Variants in TTLL5 observed in about 807,000 individuals in gnomAD.
TTLL5 encodes tubulin tyrosine ligase like 5, also known as tubulin polyglutamylase TTLL5.
TTLL5 carries 132 observed loss-of-function variants against 168.4 expected under a neutral mutation model. The observed-to-expected ratio is 0.78, with a 90% CI of 0.68 to 0.91. The LOEUF (loss-of-function observed/expected upper bound fraction) is 0.91, where lower values mean the gene tolerates loss of function less well. Ranked by LOEUF, TTLL5 falls within the 40% of genes least tolerant of loss-of-function variation. TTLL5 has a pLI of 0.00. For synonymous variants in TTLL5, 546 were observed against 558.6 expected (o/e 0.98, Z 0.32); for missense variants, 1,545 against 1,581.5 (o/e 0.98, Z 0.39).
rs910226122 is a variant in TTLL5, at chr14:75,755,297, A to G, written c.1550+2342A>G. On this transcript the variant is annotated intron_variant, in intron 18 of 31. Transcript: ENST00000298832. Reference sequence around the variant, plus strand: ...TAATAATAATAATAATAATAATAATAATAATTTTCCCTGTTTAGCTAAGAA... The same window carrying G: ...TAATAATAATAATAATAATAATAATGATAATTTTCCCTGTTTAGCTAAGAA... Among the ~76,000 whole-genome samples, 3 of 150,460 alleles carry G rather than the reference A, an allele frequency of 2.0e-5. No homozygotes were observed. The South Asian group carries it at 6.3e-4, about 32-fold the overall frequency.
chr14:75,780,557 A>G (rs1891989130), intron 24 of TTLL5, among the ~76,000 whole-genome samples: 1 of 152,252 alleles, frequency 6.6e-6, no homozygotes. Flanking sequence ...CCTAAGGCAT[A>G]GGTAATCAAC....
At chr14:75,833,687 G>C (rs191910968) in intron 28 of TTLL5, among the ~76,000 whole-genome samples, 1 of 152,300 alleles carries the variant, frequency 6.6e-6, no homozygotes, top group East Asian at 1.9e-4. Context: ...TACGTGCCCA[G>C]TAAGTGGGAA....
intron 31 of TTLL5, among the ~76,000 whole-genome samples, chr14:75,924,073 G>T (rs1382472726): frequency 7.0e-6 from 1 of 142,188 alleles, no homozygotes; most frequent in Non-Finnish European, 1.5e-5. Context: ...CCATTTGCCT[G>T]GTAGATCTTC....
intron 1 of TTLL5, 162 bp downstream of exon 1, chr14:75,661,549 G>A (rs1188483808): frequency 1.3e-5 from 2 of 152,326 alleles, no homozygotes; most frequent in East Asian, 3.8e-4. Flanking sequence ...GTCCTTCCCG[G>A]GGGGAGCATC....
intron 7 of TTLL5, among the ~76,000 whole-genome samples, chr14:75,705,339 A>G (rs1272149775): frequency 1.1e-4 from 16 of 152,228 alleles, no homozygotes; most frequent in Admixed American, 1.0e-3. Flanking sequence ...GTATAATGTT[A>G]TAGGTCACAA....
intron 23 of TTLL5, among the ~76,000 whole-genome samples, chr14:75,778,601 AGT>A (rs1891858903): frequency 6.6e-6 from 1 of 152,112 alleles, no homozygotes; most frequent in Non-Finnish European, 1.5e-5. Flanking sequence ...TTCTGGTTAG[AGT>A]GTGTTTTCTG....
At chr14:75,900,480 C>A (rs1034442645) in intron 30 of TTLL5, among the ~76,000 whole-genome samples, 121 of 152,162 alleles carry the variant, frequency 8.0e-4, no homozygotes, top group African/African-American at 2.9e-3. Context: ...TCTTTACCTA[C>A]TAGCCAATGA....
At chr14:75,784,880 A>G (rs1254205565) in intron 26 of TTLL5, among the ~76,000 whole-genome samples, 2 of 152,082 alleles carry the variant, frequency 1.3e-5, no homozygotes, top group Non-Finnish European at 2.9e-5. Flanking sequence ...GGATTTTTGT[A>G]TATCTTCTTT....
chr14:75,876,406 C>T (rs1307255846), intron 29 of TTLL5, among the ~76,000 whole-genome samples: 1 of 152,128 alleles, frequency 6.6e-6, no homozygotes, highest in Non-Finnish European at 1.5e-5. Context: ...TTTTTCTGTC[C>T]AGGTAAGCAT....
intron 28 of TTLL5, among the ~76,000 whole-genome samples, chr14:75,830,049 T>C (rs1895474266): frequency 2.6e-5 from 4 of 152,226 alleles, no homozygotes; most frequent in Non-Finnish European, 5.9e-5. Context: ...ATTGGCTGTA[T>C]TGCTAAGGAT....
intron 29 of TTLL5, among the ~76,000 whole-genome samples, chr14:75,864,987 C>A (rs1396810336): frequency 6.6e-6 from 1 of 152,100 alleles, no homozygotes; most frequent in Non-Finnish European, 1.5e-5. Flanking sequence ...ATCATCTTTA[C>A]CTGCGGTAGT....
intron 18 of TTLL5, among the ~76,000 whole-genome samples, chr14:75,756,926 TAG>T (rs1267979490): frequency 7.2e-5 from 11 of 152,200 alleles, no homozygotes; most frequent in Middle Eastern, 3.4e-3. Flanking sequence ...AGTCTTAGTT[TAG>T]AGACAATGGA....
intron 31 of TTLL5, among the ~76,000 whole-genome samples, chr14:75,925,413 ACGGGGCGG>A (rs2034007456): frequency 6.8e-5 from 1 of 14,718 alleles, no homozygotes; most frequent in Admixed American, 9.4e-4. Flanking sequence ...CACATCCCAG[ACGGGGCGG>A]CGGGGCAGAG....
intron 31 of TTLL5, among the ~76,000 whole-genome samples, chr14:75,928,175 A>G (rs1183840118): frequency 6.6e-6 from 1 of 151,704 alleles, no homozygotes; most frequent in East Asian, 1.9e-4. Flanking sequence ...CTCCTCTGAG[A>G]TCCTGGCCTA....
At chr14:75,817,702 A>G (rs573600186) in intron 27 of TTLL5, among the ~76,000 whole-genome samples, 5 of 152,118 alleles carry the variant, frequency 3.3e-5, no homozygotes, top group Admixed American at 2.6e-4. Context: ...GATGACTTTC[A>G]CTACTGTTCT....
chr14:75,736,044 A>G (rs1888883891), intron 15 of TTLL5, among the ~76,000 whole-genome samples: 1 of 152,094 alleles, frequency 6.6e-6, no homozygotes, highest in Non-Finnish European at 1.5e-5. Flanking sequence ...GTCTTTTCTT[A>G]TTAAATCCAT....
intron 28 of TTLL5, among the ~76,000 whole-genome samples, chr14:75,855,150 G>GAAAAAAAAAAAAAAAAAAAAAAAA (rs55874311): frequency 7.7e-6 from 1 of 130,498 alleles, no homozygotes; most frequent in Non-Finnish European, 1.6e-5. Context: ...TATGCTAGAA[G>GAAAAAAAAAAAAAAAAAAAAAAAA]AAAAAAAAAA....
chr14:75,735,722 C>A (rs1888850400), intron 15 of TTLL5, among the ~76,000 whole-genome samples: 1 of 152,174 alleles, frequency 6.6e-6, no homozygotes, highest in African/African-American at 2.4e-5. Flanking sequence ...AAAGGACCCT[C>A]CATGATCATG....
intron 31 of TTLL5, among the ~76,000 whole-genome samples, chr14:75,934,584 G>T (rs1389595082): frequency 6.6e-6 from 1 of 152,172 alleles, no homozygotes; most frequent in African/African-American, 2.4e-5. Flanking sequence ...CTTAAGTCTA[G>T]GTTGAATATG....
Sources: gnomAD v4.1 joint callset for allele counts (sites outside exome capture counted in the v4.1 genomes callset) on GRCh38, gnomAD v4.1.1 for gene constraint, MANE v1.5 for transcripts, NCBI Gene and HGNC (gene_info 2026-07-23, HGNC 2026-07-21) for gene names.